KANK1: variants seen among roughly 807,000 people sequenced by gnomAD.
KANK1 encodes the protein KN motif and ankyrin repeat domains 1.
Under a neutral mutation model 106.2 loss-of-function variants are expected in KANK1, and 109 were observed. The ratio of observed to expected loss-of-function variants is 1.03; its 90% CI spans 0.88 to 1.20. The LOEUF (loss-of-function observed/expected upper bound fraction) is 1.20, where lower values mean the gene tolerates loss of function less well. Among genes scored for constraint, KANK1 ranks in the 50% most tolerant of loss-of-function variants. KANK1 has a pLI of 0.00. For missense variants in KANK1, 2,399 were observed against 1,710.7 expected (o/e 1.40, Z -7.10); for synonymous variants, 873 against 652.2 (o/e 1.34, Z -5.16).
chr9:740,308 C>G (rs992917417), intron 8 of KANK1, among the ~76,000 whole-genome samples: 3 of 152,142 alleles, frequency 2.0e-5, no homozygotes, highest in African/African-American at 7.2e-5. Flanking sequence ...CCCCGACAGG[C>G]CAGAGTAGTA....
chr9:740,132 C>G (rs16923243), intron 8 of KANK1, among the ~76,000 whole-genome samples: 23,840 of 152,088 alleles, frequency 0.16, 3,966 homozygotes, highest in African/African-American at 0.42. Flanking sequence ...GCCGAAGGAA[C>G]TTTTAAATGC....
chr9:551,887 A>C (rs2061305325), intron 1 of KANK1, among the ~76,000 whole-genome samples: 1 of 151,434 alleles, frequency 6.6e-6, no homozygotes, highest in African/African-American at 2.4e-5. Flanking sequence ...GTTTCTACAA[A>C]AAAAAAAAAA....
intron 1 of KANK1, among the ~76,000 whole-genome samples, chr9:676,572 A>G (rs1816455395): frequency 6.6e-6 from 1 of 152,250 alleles, no homozygotes; most frequent in Admixed American, 6.5e-5. Context: ...AATATTTCGT[A>G]GAGTGCTACA....
At chr9:553,297 G>C (rs1291844787) in intron 1 of KANK1, among the ~76,000 whole-genome samples, 2 of 152,156 alleles carry the variant, frequency 1.3e-5, no homozygotes, top group Non-Finnish European at 2.9e-5. Flanking sequence ...AATTATCTTA[G>C]CTAATAATGA....
chr9:737,574 G>A (rs984772862), intron 7 of KANK1, among the ~76,000 whole-genome samples: 1 of 152,330 alleles, frequency 6.6e-6, no homozygotes, highest in African/African-American at 2.4e-5. Flanking sequence ...CCTTCTTCAT[G>A]TGTCCACAGC....
At chr9:672,162 A>C (rs1229227111) in intron 1 of KANK1, among the ~76,000 whole-genome samples, 1 of 152,204 alleles carries the variant, frequency 6.6e-6, no homozygotes, top group Admixed American at 6.5e-5. Flanking sequence ...TGAATTGCTC[A>C]GCTTTAAATG....
intron 2 of KANK1, among the ~76,000 whole-genome samples, chr9:698,109 G>C: frequency 6.6e-6 from 1 of 152,250 alleles, no homozygotes; most frequent in Non-Finnish European, 1.5e-5. Context: ...TTCCCTGTTG[G>C]CCAATTCAGG....
In KANK1 at chr9:599,128, C is replaced by T. The variant is rs187535539; in HGVS notation, c.-83-77762C>T. 4.6e-3 allele frequency among the ~76,000 whole-genome samples: 696 copies of T among 150,344 alleles called. 17 individuals carry two copies. Among genetic ancestry groups the T allele is most frequent in the African/African-American group, 0.016 (648 of 40,400 alleles). ...CCACCTCCCAGGGTCAAGCAATTCT[C>T]CTGCCTCAGCCTCCTGAGTAGCTGG... On this transcript the variant is annotated intron_variant, in intron 1 of 11. Coordinates refer to ENST00000382297, the MANE Select transcript of KANK1 (RefSeq NM_015158.5).
chr9:555,629 G>C (rs1209192193), intron 1 of KANK1, among the ~76,000 whole-genome samples: 3 of 152,274 alleles, frequency 2.0e-5, no homozygotes, highest in East Asian at 3.9e-4. Context: ...CTGTAAAAGC[G>C]TAAGATTCCC....
chr9:707,214 G>T, intron 2 of KANK1: 1 of 986,212 alleles, frequency 1.0e-6, no homozygotes, highest in Non-Finnish European at 1.2e-6. Context: ...GCGGGGCAGC[G>T]CGGGCTGGCG....
intron 3 of KANK1, among the ~76,000 whole-genome samples, chr9:474,214 A>G (rs964286304): frequency 1.2e-4 from 19 of 152,326 alleles, no homozygotes; most frequent in Admixed American, 7.2e-4. Flanking sequence ...TAGGTCAGCA[A>G]TGACATTGAG....
intron 3 of KANK1, among the ~76,000 whole-genome samples, chr9:486,019 T>C (rs2058288631): frequency 6.6e-6 from 1 of 152,200 alleles, no homozygotes; most frequent in Non-Finnish European, 1.5e-5. Flanking sequence ...AAGTTTCCCG[T>C]TGTCTTTAGC....
intron 1 of KANK1, among the ~76,000 whole-genome samples, chr9:624,447 TATTA>T (rs772756082): frequency 3.3e-5 from 5 of 152,188 alleles, no homozygotes; most frequent in Non-Finnish European, 7.3e-5. Context: ...GTATAATTTC[TATTA>T]ATTATTCCTC....
At chr9:545,404 A>C (rs1298452819) in intron 1 of KANK1, among the ~76,000 whole-genome samples, 2 of 152,186 alleles carry the variant, frequency 1.3e-5, no homozygotes, top group South Asian at 2.1e-4. Flanking sequence ...GAATGAATTG[A>C]GTTCTGGGAG....
At chr9:517,352 T>C (rs1587430245) in intron 1 of KANK1, among the ~76,000 whole-genome samples, 1 of 151,746 alleles carries the variant, frequency 6.6e-6, no homozygotes, top group East Asian at 1.9e-4. Context: ...TCTGCCTGCC[T>C]CGGCCTTCCA....
At chr9:733,571 G>C (rs1171074417) in intron 6 of KANK1, 3 of 152,192 alleles carry the variant, frequency 2.0e-5, no homozygotes, top group Non-Finnish European at 2.9e-5. Context: ...GATCGCTTGA[G>C]CACAGGAGTT....
intron 1 of KANK1, among the ~76,000 whole-genome samples, chr9:571,517 T>C (rs959394774): frequency 6.6e-6 from 1 of 152,142 alleles, no homozygotes; most frequent in African/African-American, 2.4e-5. Context: ...GGTAGATTAC[T>C]TTTTTCTTTG....
intron 2 of KANK1, among the ~76,000 whole-genome samples, chr9:686,278 T>G (rs930584090): frequency 6.6e-6 from 1 of 152,188 alleles, no homozygotes; most frequent in Non-Finnish European, 1.5e-5. Context: ...CTGGGATGCT[T>G]TATTCAACTC....
At chr9:673,036 A>G (rs145296767) in intron 1 of KANK1, among the ~76,000 whole-genome samples, 2 of 152,218 alleles carry the variant, frequency 1.3e-5, no homozygotes, top group African/African-American at 2.4e-5. Context: ...TCTGGTTTAT[A>G]CAATGCACCG....
Sources: gnomAD v4.1 joint callset for allele counts (sites outside exome capture counted in the v4.1 genomes callset) on GRCh38, gnomAD v4.1.1 for gene constraint, MANE v1.5 for transcripts, NCBI Gene and HGNC (gene_info 2026-07-23, HGNC 2026-07-21) for gene names.